Variants in ICE1 observed in about 807,000 individuals in gnomAD.
The protein encoded by ICE1 is interactor of little elongation complex ELL subunit 1, also known as little elongation complex subunit 1.
Under a neutral mutation model 192.7 loss-of-function variants are expected in ICE1, and 64 were observed. The ratio of observed to expected loss-of-function variants is 0.33; its 90% CI spans 0.27 to 0.41. The LOEUF is 0.41. Among genes scored for constraint, ICE1 ranks in the 10% least tolerant of loss-of-function variants. ICE1 has a pLI of 1.00. For synonymous variants in ICE1, 1,010 were observed against 984.5 expected (o/e 1.03, Z -0.49); for missense variants, 2,708 against 2,696.0 (o/e 1.00, Z -0.10).
At chr5:5,477,849 A>G (rs1739364044) in intron 17 of ICE1, among the ~76,000 whole-genome samples, 1 of 152,236 alleles carries the variant, frequency 6.6e-6, no homozygotes, top group Admixed American at 6.5e-5. Flanking sequence ...AATAAGCCTA[A>G]TCCATCACAT....
chr5:5,460,533 C>A lies in ICE1; in HGVS notation c.1199C>A (p.Ser400Ter). 6.2e-7 allele frequency: 1 copy of A among 1,611,848 alleles called. No homozygotes were observed. Among genetic ancestry groups the A allele is most frequent in the Non-Finnish European group, 8.5e-7 (1 of 1,178,826 alleles). ...GTTTCAGAAGATGATACAACTGAATCACAGAATTATTTTGGCTCATTGAGA... is the reference window on the plus strand; with the variant it reads ...GTTTCAGAAGATGATACAACTGAATAACAGAATTATTTTGGCTCATTGAGA... ...ECVSEDDTTE[S>*]QNYFGSLRKN... is the part of the protein sequence containing the mutation. The change falls in exon 13 of 19, where the codon TCA becomes TAA. Residue 400 changes from serine to a stop codon, truncating the protein, a stop_gained. Transcript: ENST00000296564. LOFTEE classifies it high-confidence loss of function.
chr5:5,475,685 G>A (rs1315096613), intron 16 of ICE1, among the ~76,000 whole-genome samples: 2 of 152,172 alleles, frequency 1.3e-5, no homozygotes, highest in Non-Finnish European at 2.9e-5. Flanking sequence ...CTACCACTTC[G>A]TAGTTCTGGG....
intron 11 of ICE1, 52 bp downstream of exon 11, chr5:5,454,690 AAC>A: frequency 1.5e-6 from 2 of 1,364,416 alleles, no homozygotes; most frequent in Non-Finnish European, 2.1e-6. Flanking sequence ...TACAGAGCTT[AAC>A]CATAGGCATA....
At chr5:5,481,429 G>C (rs1163066715) in intron 17 of ICE1, among the ~76,000 whole-genome samples, 1 of 152,174 alleles carries the variant, frequency 6.6e-6, no homozygotes, top group African/African-American at 2.4e-5. Context: ...AGGAGGGTCA[G>C]CTGTACCTGT....
intron 3 of ICE1, 51 bp downstream of exon 3, chr5:5,437,165 A>C: frequency 1.5e-6 from 2 of 1,362,986 alleles, no homozygotes; most frequent in African/African-American, 2.9e-5. Context: ...ACTTATGTTT[A>C]ATTCCTGAAA....
intron 16 of ICE1, among the ~76,000 whole-genome samples, chr5:5,475,742 A>G (rs1739287739): frequency 6.6e-6 from 1 of 152,220 alleles, no homozygotes; most frequent in Non-Finnish European, 1.5e-5. Context: ...CTTGTTCAGA[A>G]GAATTAGAAC....
At chr5:5,476,941 G>A (rs1291824998) in intron 17 of ICE1, among the ~76,000 whole-genome samples, 1 of 152,140 alleles carries the variant, frequency 6.6e-6, no homozygotes, top group African/African-American at 2.4e-5. Context: ...ATGAGACATG[G>A]ATCCTTCTTA....
In ICE1 at chr5:5,476,022, C is replaced by T; in HGVS notation, c.6463C>T (p.His2155Tyr). The T allele has an allele frequency of 3.7e-6, 6 of 1,611,914 alleles. No individual in the cohort carries two copies. The highest frequency in any genetic ancestry group is 5.1e-6 in the Non-Finnish European group (6 of 1,178,706). The change falls in exon 17 of 19, where the codon CAT becomes TAT. Residue 2155 changes from histidine to tyrosine, a missense_variant. His to Tyr is a moderately conservative substitution (Grantham distance 83). Around this residue, in one of 2 missense-constraint regions of ICE1, gnomAD observed 342 missense variants for 419.3 expected, o/e 0.82. Coordinates refer to ENST00000296564, the MANE Select transcript of ICE1 (RefSeq NM_015325.3). ...TAAATGGATAAAATACAGAAAAGGA[C>T]ATGCAAACATTGCGTATACTCCTGA... ...MDKWIKYRKG[H>Y]ANIAYTPDII...
At chr5:5,480,470 G>A (rs1416107806) in intron 17 of ICE1, among the ~76,000 whole-genome samples, 6 of 151,908 alleles carry the variant, frequency 3.9e-5, no homozygotes, top group South Asian at 2.1e-4. Flanking sequence ...GGATGGTCTC[G>A]ATCTCCTGAC....
rs75287992 is a variant in ICE1 at position 5,489,331 on chromosome 5, C to T, written c.*1C>T. 1.3e-4 allele frequency: 205 copies of T among 1,602,196 alleles called. No individual in the cohort carries two copies. In the African/African-American group the frequency reaches 2.5e-3, roughly 20 times the overall value. On this transcript the variant is annotated 3_prime_UTR_variant, in exon 19 of 19. Coordinates refer to ENST00000296564, the MANE Select transcript of ICE1 (RefSeq NM_015325.3). ...CCTGAGCACAGAGGAGCTTGGCTGA[C>T]CTGGGATGCCACTGAGGCTTGAGAA...
At chr5:5,488,502 G>A (rs903210476) in intron 18 of ICE1, among the ~76,000 whole-genome samples, 1 of 152,176 alleles carries the variant, frequency 6.6e-6, no homozygotes, top group Non-Finnish European at 1.5e-5. Context: ...TAGGAATACA[G>A]TGCAACCTCC....
intron 17 of ICE1, among the ~76,000 whole-genome samples, chr5:5,483,335 G>A (rs530626254): frequency 1.8e-4 from 27 of 152,260 alleles, no homozygotes; most frequent in African/African-American, 6.3e-4. Context: ...ATCCTATTGA[G>A]ATTTTTACTC....
At chr5:5,440,553 A>G (rs1034889357) in intron 4 of ICE1, among the ~76,000 whole-genome samples, 2 of 152,202 alleles carry the variant, frequency 1.3e-5, no homozygotes, top group African/African-American at 4.8e-5. Context: ...GCTGGCCGCA[A>G]TGGCTCATGC....
intron 7 of ICE1, among the ~76,000 whole-genome samples, chr5:5,445,270 C>A (rs181151890): frequency 6.6e-6 from 1 of 152,084 alleles, no homozygotes; most frequent in African/African-American, 2.4e-5. Flanking sequence ...ATTTCGGTAA[C>A]AATTTTTCCT....
At chr5:5,434,570 A>G (rs1359371161) in intron 1 of ICE1, among the ~76,000 whole-genome samples, 1 of 152,238 alleles carries the variant, frequency 6.6e-6, no homozygotes, top group Admixed American at 6.5e-5. Context: ...CTTAAGAACC[A>G]ATTAGGAAAT....
chr5:5,444,567 A>G lies in ICE1; in HGVS notation c.424+241A>G, dbSNP rs559983069. Among the ~76,000 whole-genome samples, 40 of 152,338 alleles carry G rather than the reference A, an allele frequency of 2.6e-4. No individual in the cohort carries two copies. In the South Asian group the frequency reaches 7.7e-3, roughly 29 times the overall value. On this transcript the variant is annotated intron_variant, in intron 7 of 18. Coordinates refer to ENST00000296564, the MANE Select transcript of ICE1 (RefSeq NM_015325.3). ...CCGAAATGTTACTGCACTCAAAGTA[A>G]TCGCAGCCCATACTTTTGCTATAAA...
intron 1 of ICE1, among the ~76,000 whole-genome samples, chr5:5,435,607 A>T (rs1445121152): frequency 6.6e-6 from 1 of 151,858 alleles, no homozygotes. Flanking sequence ...AGTGTAACTA[A>T]GGATGTTTTT....
intron 2 of ICE1, 60 bp downstream of exon 2, chr5:5,436,536 A>T: frequency 9.5e-7 from 1 of 1,054,684 alleles, no homozygotes; most frequent in Non-Finnish European, 1.3e-6. Context: ...TGGCTGAAGC[A>T]GGCGGTGCTT....
intron 3 of ICE1, among the ~76,000 whole-genome samples, chr5:5,438,403 C>A (rs1179976232): frequency 6.6e-6 from 1 of 152,148 alleles, no homozygotes; most frequent in Admixed American, 6.5e-5. Context: ...AAGAGATATC[C>A]TTTAGATTTA....
Sources: allele counts gnomAD v4.1 joint callset (sites outside exome capture counted in the v4.1 genomes callset), GRCh38; gene constraint gnomAD v4.1.1; regional missense constraint gnomAD v4.1.1; transcripts MANE v1.5; gene names NCBI Gene and HGNC (gene_info 2026-07-23, HGNC 2026-07-21).